RAB27A: variants seen among roughly 807,000 people sequenced by gnomAD.
RAB27A encodes the protein RAB27A, member RAS oncogene family, also known as ras-related protein Rab-27A.
RAB27A carries 17 observed loss-of-function variants against 20.8 expected under a neutral mutation model. The ratio of observed to expected loss-of-function variants is 0.82; its 90% confidence interval spans 0.56 to 1.23. RAB27A has a LOEUF of 1.23. Ranked by LOEUF, RAB27A falls within the 50% of genes most tolerant of loss-of-function variation. The pLI is 0.00. For missense variants in RAB27A, 277 were observed against 266.7 expected, an observed-to-expected ratio of 1.04 and a Z score of -0.27; for synonymous variants, 85 against 92.8, an observed-to-expected ratio of 0.92 and a Z score of 0.48.
intron 2 of RAB27A, among the ~76,000 whole-genome samples, chr15:55,297,974 G>A (rs958044340): frequency 1.3e-5 from 2 of 151,992 alleles, no homozygotes; most frequent in East Asian, 3.9e-4. Context: ...AGGCCGAGGT[G>A]GGCATATCAT....
At chr15:55,310,606 G>C (rs955406516) in intron 2 of RAB27A, among the ~76,000 whole-genome samples, 1 of 152,158 alleles carries the variant, frequency 6.6e-6, no homozygotes, top group Admixed American at 6.5e-5. Context: ...CTTTTCCAGA[G>C]CCTCCAAAGT....
At chr15:55,256,919 G>C (rs149477180) in intron 2 of RAB27A, among the ~76,000 whole-genome samples, 11 of 152,352 alleles carry the variant, frequency 7.2e-5, no homozygotes, top group Middle Eastern at 3.4e-3. Context: ...CATGGTGACA[G>C]TTGTCCCTTC....
chr15:55,260,820 G>A (rs1231263430), intron 2 of RAB27A, among the ~76,000 whole-genome samples: 2 of 152,190 alleles, frequency 1.3e-5, no homozygotes, highest in African/African-American at 4.8e-5. Context: ...TTTTAGGGCA[G>A]TGAAACTATT....
intron 1 of RAB27A, among the ~76,000 whole-genome samples, chr15:55,283,153 G>C (rs1898060091): frequency 6.6e-6 from 1 of 152,014 alleles, no homozygotes; most frequent in Non-Finnish European, 1.5e-5. Context: ...CCTTTGTTGG[G>C]GGCTCTCCTG....
At chr15:55,271,637 G>T (rs1427521971) in intron 1 of RAB27A, among the ~76,000 whole-genome samples, 1 of 152,206 alleles carries the variant, frequency 6.6e-6, no homozygotes, top group Non-Finnish European at 1.5e-5. Context: ...CTTGGTCTTT[G>T]CTGTTGCTTT....
intron 6 of RAB27A, among the ~76,000 whole-genome samples, chr15:55,212,832 C>T (rs1486292005): frequency 6.6e-6 from 1 of 152,116 alleles, no homozygotes; most frequent in Non-Finnish European, 1.5e-5. Flanking sequence ...CCCAGCCCAT[C>T]AAATCTTAAG....
rs1897992095 is a variant in RAB27A, at chr15:55,280,651, C to T, written c.-143+9065G>A. ...TTAGGTATTTCTCCTAATGCTATCC[C>T]TCCCCCAGTCCCCACCCCCTGAGAG... On this transcript the variant is annotated intron_variant, in intron 1 of 6. Transcript: ENST00000336787. Among the ~76,000 whole-genome samples, 4 of 151,994 alleles carry T rather than the reference C, an allele frequency of 2.6e-5. No homozygotes were observed. In the South Asian group the frequency reaches 8.3e-4, roughly 32 times the overall value.
chr15:55,266,083 T>C (rs8034229), intron 2 of RAB27A, among the ~76,000 whole-genome samples: 48,747 of 152,084 alleles, frequency 0.32, 8,641 homozygotes, highest in East Asian at 0.57. Context: ...AATTTGTATG[T>C]TGAAATCTAA....
chr15:55,278,060 T>G (rs908082673), intron 1 of RAB27A, among the ~76,000 whole-genome samples: 1 of 152,214 alleles, frequency 6.6e-6, no homozygotes, highest in Non-Finnish European at 1.5e-5. Flanking sequence ...ATATTGTTAT[T>G]ATCAACCCTA....
chr15:55,261,981 G>C (rs1288208379), intron 2 of RAB27A, among the ~76,000 whole-genome samples: 1 of 149,824 alleles, frequency 6.7e-6, no homozygotes, highest in Non-Finnish European at 1.5e-5. Context: ...AGGTTGCAGT[G>C]AGCCAAAATG....
chr15:55,287,482 T>C (rs1319111008), intron 1 of RAB27A, among the ~76,000 whole-genome samples: 1 of 151,894 alleles, frequency 6.6e-6, no homozygotes, highest in East Asian at 1.9e-4. Flanking sequence ...GCATGGTGGC[T>C]CATGCCTATG....
intron 2 of RAB27A, among the ~76,000 whole-genome samples, chr15:55,240,018 T>C (rs74015534): frequency 0.01 from 1,593 of 152,272 alleles, 36 homozygotes; most frequent in African/African-American, 0.037. Context: ...CATACGTGGC[T>C]TTCTCATCAC....
intron 6 of RAB27A, among the ~76,000 whole-genome samples, chr15:55,214,006 A>C (rs548543969): frequency 6.6e-6 from 1 of 152,348 alleles, no homozygotes; most frequent in South Asian, 2.1e-4. Context: ...TTTAGAGGAT[A>C]TATGTGTAGG....
intron 2 of RAB27A, among the ~76,000 whole-genome samples, chr15:55,257,401 G>A (rs143954898): frequency 1.4e-4 from 21 of 152,342 alleles, no homozygotes; most frequent in Admixed American, 1.2e-3. Context: ...GAGGGAACAT[G>A]CTGTTAGTTC....
intron 2 of RAB27A, among the ~76,000 whole-genome samples, chr15:55,304,413 G>A (rs908916537): frequency 6.7e-6 from 1 of 150,146 alleles, no homozygotes; most frequent in African/African-American, 2.5e-5. Context: ...ATTGTCCCAT[G>A]ACCCTGCCAA....
intron 4 of RAB27A, 54 bp from the exon 5 acceptor site, chr15:55,228,766 A>G (rs1361086320): frequency 7.2e-5 from 90 of 1,257,552 alleles, no homozygotes; most frequent in Non-Finnish European, 9.8e-5. Flanking sequence ...CTCCTGAAAT[A>G]TAAAACTACA....
intron 1 of RAB27A, chr15:55,317,281 T>C (rs1025483724): frequency 7.8e-5 from 12 of 154,692 alleles, no homozygotes; most frequent in African/African-American, 2.9e-4. Flanking sequence ...TAAGCAATTA[T>C]TACAGTTCAT....
At chr15:55,266,631 T>A (rs1897496604) in intron 2 of RAB27A, among the ~76,000 whole-genome samples, 1 of 152,252 alleles carries the variant, frequency 6.6e-6, no homozygotes, top group Non-Finnish European at 1.5e-5. Context: ...CACTAAGCAC[T>A]ATTCTAAATC....
intron 2 of RAB27A, among the ~76,000 whole-genome samples, chr15:55,247,963 T>G (rs1896752267): frequency 6.8e-6 from 1 of 146,034 alleles, no homozygotes; most frequent in African/African-American, 2.6e-5. Context: ...TTTGAGACTC[T>G]CACTCTGTGG....
Sources: allele counts gnomAD v4.1 joint callset (sites outside exome capture counted in the v4.1 genomes callset), GRCh38; gene constraint gnomAD v4.1.1; transcripts MANE v1.5; gene names NCBI Gene and HGNC (gene_info 2026-07-23, HGNC 2026-07-21).